The following VAV3 variants were observed in gnomAD, a reference collection of about 807,000 sequenced individuals.
The protein encoded by VAV3 is vav guanine nucleotide exchange factor 3, also known as guanine nucleotide exchange factor VAV3.
Under a neutral mutation model 131.2 loss-of-function variants are expected in VAV3, and 94 were observed. That is an observed-to-expected ratio of 0.72 (90% CI 0.61 to 0.85). VAV3 has a LOEUF of 0.85. VAV3 is among the 40% of genes least tolerant of loss of function. The pLI is 0.00. For synonymous variants in VAV3, 349 were observed against 342.0 expected, an observed-to-expected ratio of 1.02 and a Z score of -0.22; for missense variants, 939 against 1,002.7, an observed-to-expected ratio of 0.94 and a Z score of 0.86.
intron 19 of VAV3, among the ~76,000 whole-genome samples, chr1:107,681,317 G>A (rs761781319): frequency 4.6e-5 from 7 of 152,054 alleles, no homozygotes; most frequent in Non-Finnish European, 7.3e-5. Context: ...GTTTGTCTAC[G>A]CAGACTCAAC....
At position 107,900,212 on chromosome 1, in the gene VAV3, A is replaced by G. The variant is rs1032222818; in HGVS notation, c.205-25195T>C. ...GACTACAAGCTTCGACACTTAGGAAACCTACTGAAAATTAACAGGATATGA... is the reference window on the plus strand; with the variant it reads ...GACTACAAGCTTCGACACTTAGGAAGCCTACTGAAAATTAACAGGATATGA... On this transcript the variant is annotated intron_variant, in intron 1 of 26. Coordinates refer to ENST00000370056, the MANE Select transcript of VAV3 (RefSeq NM_006113.5). 2.6e-5 allele frequency among the ~76,000 whole-genome samples: 4 copies of G among 152,168 alleles called. No individual in the cohort carries two copies. In the East Asian group the frequency reaches 7.7e-4, roughly 29 times the overall value.
intron 8 of VAV3, 91 bp from the exon 9 acceptor site, chr1:107,765,266 C>A: frequency 9.9e-7 from 1 of 1,006,872 alleles, no homozygotes; most frequent in East Asian, 2.4e-5. Flanking sequence ...TCTTTAAAAC[C>A]ATTGTTAGGG....
intron 1 of VAV3, among the ~76,000 whole-genome samples, chr1:107,939,506 A>G (rs752870517): frequency 1.6e-4 from 24 of 152,206 alleles, no homozygotes; most frequent in Non-Finnish European, 2.5e-4. Context: ...ATGAGGGTAA[A>G]CAACCAATAC....
chr1:107,943,739 TCAAAACAAAA>T (rs556734962), intron 1 of VAV3, among the ~76,000 whole-genome samples: 2 of 152,218 alleles, frequency 1.3e-5, no homozygotes, highest in African/African-American at 4.8e-5. Context: ...AGACTCCGTC[TCAAAACAAAA>T]CAAAACAAAA....
intron 2 of VAV3, among the ~76,000 whole-genome samples, chr1:107,855,915 C>T (rs1248257502): frequency 6.6e-6 from 1 of 152,092 alleles, no homozygotes; most frequent in Non-Finnish European, 1.5e-5. Flanking sequence ...AGGCTCCTTC[C>T]ACTTCTACCC....
At position 107,716,797 on chromosome 1, in the gene VAV3, A is replaced by T. The variant is rs555718960; in HGVS notation, c.1503-11736T>A. Among the ~76,000 whole-genome samples, 3 of 152,306 alleles carry T rather than the reference A, an allele frequency of 2.0e-5. No individual in the cohort carries two copies. In the South Asian group the frequency reaches 6.2e-4, roughly 32 times the overall value. ...TCCCTCTTTTTCTGTTGACTGGAAT[A>T]ATTTCAGAAGGAATGGTACCAGCTC... is the stretch of plus-strand genomic sequence containing the variant. On this transcript the variant is annotated intron_variant, in intron 15 of 26. Coordinates refer to ENST00000370056, the MANE Select transcript of VAV3 (RefSeq NM_006113.5).
chr1:107,809,418 G>GGATA (rs1174770868), intron 2 of VAV3, among the ~76,000 whole-genome samples: 3 of 152,126 alleles, frequency 2.0e-5, no homozygotes, highest in African/African-American at 7.2e-5. Context: ...CTTTGTCCTT[G>GGATA]GATAGTACAG....
chr1:107,575,013 G>A (rs1206583773), intron 25 of VAV3, among the ~76,000 whole-genome samples: 10 of 22,910 alleles, frequency 4.4e-4, no homozygotes, highest in African/African-American at 5.5e-4. Context: ...GCGCGCGCGC[G>A]CGCACACGCG....
rs149782590 is a variant in VAV3, at chr1:107,610,881, T to C, written c.1981-916A>G. 2.2e-4 allele frequency among the ~76,000 whole-genome samples: 34 copies of C among 152,318 alleles called. No individual in the cohort carries two copies. In the East Asian group the frequency reaches 6.0e-3, roughly 27 times the overall value. ...GCATTCCATGCTATTAATGGGATTT[T>C]TATATTTGGTGATTGAAAATACTGT... On this transcript the variant is annotated intron_variant, in intron 21 of 26. Transcript: ENST00000370056.
chr1:107,701,297 C>G (rs1023358225), intron 17 of VAV3, among the ~76,000 whole-genome samples: 15 of 114,080 alleles, frequency 1.3e-4, no homozygotes, highest in African/African-American at 4.4e-4. Flanking sequence ...CTGGGGCTTG[C>G]ACCCTCTGAA....
rs139728318 is a variant in VAV3 at position 107,781,763 on chromosome 1, A to C, written c.322-2271T>G. Among the ~76,000 whole-genome samples, 457 of 152,338 alleles carry C rather than the reference A, an allele frequency of 3.0e-3. 1 individual carries two copies. The highest frequency in any genetic ancestry group is 0.011 in the African/African-American group (438 of 41,582). On this transcript the variant is annotated intron_variant, in intron 2 of 26. Coordinates refer to ENST00000370056, the MANE Select transcript of VAV3 (RefSeq NM_006113.5). ...ATTTCTTCCTGGTCAACTATGTCGAACATCTAATGTCAAAACATATACAAC... is the reference window on the plus strand; with the variant it reads ...ATTTCTTCCTGGTCAACTATGTCGACCATCTAATGTCAAAACATATACAAC...
At chr1:107,786,225 T>A (rs2102254160) in intron 2 of VAV3, among the ~76,000 whole-genome samples, 1 of 152,364 alleles carries the variant, frequency 6.6e-6, no homozygotes. Context: ...TAGTTTGTGC[T>A]GTCCTTGGTA....
Position 107,751,838 on chromosome 1 carries a change from G to A in VAV3, c.1174-636C>T, listed in dbSNP as rs778006368. On this transcript the variant is annotated intron_variant, in intron 12 of 26. Transcript: ENST00000370056. Reference sequence around the variant, plus strand: ...GTGTTTATGAACACTTACTGTACACGCTAGAGGAAAAAAGAATTGACTGAA... The same window carrying A: ...GTGTTTATGAACACTTACTGTACACACTAGAGGAAAAAAGAATTGACTGAA... 2.6e-5 allele frequency among the ~76,000 whole-genome samples: 4 copies of A among 152,158 alleles called. No individual in the cohort carries two copies. The South Asian group carries it at 6.2e-4, about 24-fold the overall frequency.
intron 1 of VAV3, among the ~76,000 whole-genome samples, chr1:107,920,971 TTTAA>T (rs1257058775): frequency 1.3e-5 from 2 of 152,254 alleles, no homozygotes; most frequent in African/African-American, 2.4e-5. Context: ...TTATTAGTAT[TTTAA>T]TTAATATTGT....
chr1:107,850,658 C>A (rs1303318410), intron 2 of VAV3, among the ~76,000 whole-genome samples: 1 of 151,880 alleles, frequency 6.6e-6, no homozygotes, highest in African/African-American at 2.4e-5. Context: ...CACCATGGCA[C>A]ATGTATACCT....
chr1:107,904,877 T>C (rs1672028332), intron 1 of VAV3, among the ~76,000 whole-genome samples: 1 of 152,212 alleles, frequency 6.6e-6, no homozygotes. Flanking sequence ...ATAGCATGGT[T>C]ATATGCAGGT....
chr1:107,955,649 T>C (rs909883103), intron 1 of VAV3, among the ~76,000 whole-genome samples: 3 of 151,856 alleles, frequency 2.0e-5, no homozygotes, highest in African/African-American at 4.8e-5. Flanking sequence ...AATCTACAAG[T>C]AGACAAATGA....
chr1:107,856,118 G>A (rs1669455838), intron 2 of VAV3, among the ~76,000 whole-genome samples: 1 of 152,162 alleles, frequency 6.6e-6, no homozygotes, highest in African/African-American at 2.4e-5. Context: ...GAGTGGGTGA[G>A]AAGCAAGATG....
chr1:107,813,791 T>C (rs1014758185), intron 2 of VAV3, among the ~76,000 whole-genome samples: 1 of 152,172 alleles, frequency 6.6e-6, no homozygotes, highest in African/African-American at 2.4e-5. Flanking sequence ...CTGGTAACTA[T>C]CATTCTACCC....
Sources: allele counts gnomAD v4.1 joint callset (sites outside exome capture counted in the v4.1 genomes callset), GRCh38; gene constraint gnomAD v4.1.1; transcripts MANE v1.5; gene names NCBI Gene and HGNC (gene_info 2026-07-23, HGNC 2026-07-21).